Variants in SATL1 observed in about 807,000 individuals in gnomAD.
SATL1 encodes the protein spermidine/spermine N1-acetyl transferase like 1.
Under a neutral mutation model 51.8 loss-of-function variants are expected in SATL1, and 47 were observed. That is an observed-to-expected ratio of 0.91 (90% CI 0.72 to 1.16). The LOEUF is 1.16. SATL1 is among the 50% of genes most tolerant of loss of function. SATL1 has a pLI of 0.00. For missense variants in SATL1, 520 were observed against 526.4 expected (o/e 0.99, Z 0.12); for synonymous variants, 176 against 182.4 (o/e 0.97, Z 0.28).
chrX:85,228,447 C>A (rs958835175), intron 1 of SATL1, among the ~76,000 whole-genome samples: 5 of 111,676 alleles, frequency 4.5e-5, no homozygotes, highest in Non-Finnish European at 7.6e-5. Flanking sequence ...CTGTAGCCCC[C>A]TCTAGCTATT....
chrX:85,236,940 G>A (rs2083800226), intron 1 of SATL1, among the ~76,000 whole-genome samples: 1 of 111,143 alleles, frequency 9.0e-6, no homozygotes, highest in Admixed American at 9.5e-5. Context: ...AAAACTATAA[G>A]AACTGGTAAA....
At chrX:85,150,223 G>A (rs1019454768) in intron 2 of SATL1, among the ~76,000 whole-genome samples, 6 of 111,662 alleles carry the variant, frequency 5.4e-5, no homozygotes, top group Non-Finnish European at 1.1e-4. Context: ...AGAAGAAATG[G>A]ATAAATTCCT....
chrX:85,243,025 A>G (rs2147771771), intron 1 of SATL1, among the ~76,000 whole-genome samples: 1 of 112,181 alleles, frequency 8.9e-6, no homozygotes, highest in South Asian at 3.7e-4. Context: ...CTGGTCTACT[A>G]TGAGCCAGGT....
intron 2 of SATL1, among the ~76,000 whole-genome samples, chrX:85,147,016 G>A (rs928007538): frequency 8.9e-6 from 1 of 112,709 alleles, no homozygotes; most frequent in East Asian, 2.8e-4. Context: ...GCAGAGCGAG[G>A]CATTGCCTCA....
intron 1 of SATL1, among the ~76,000 whole-genome samples, chrX:85,234,857 C>T (rs1308697954): frequency 1.8e-5 from 2 of 110,717 alleles, no homozygotes; most frequent in Non-Finnish European, 3.8e-5. Flanking sequence ...TAAATCCTTA[C>T]ATATCAATAA....
At chrX:85,193,501 C>G (rs1345686032) in intron 2 of SATL1, among the ~76,000 whole-genome samples, 1 of 111,666 alleles carries the variant, frequency 9.0e-6, no homozygotes, top group Non-Finnish European at 1.9e-5. Context: ...ATAGGGGGCA[C>G]AGTCCAGTCA....
intron 1 of SATL1, among the ~76,000 whole-genome samples, chrX:85,230,087 T>C (rs1928351196): frequency 9.0e-6 from 1 of 111,621 alleles, no homozygotes; most frequent in Non-Finnish European, 1.9e-5. Context: ...TAAATTCATA[T>C]GGAACCACAA....
At position 85,202,768 on chromosome X, in the gene SATL1, C is replaced by T. The variant is rs754337325; in HGVS notation, c.-313+21437G>A. On this transcript the variant is annotated intron_variant, in intron 2 of 7. Coordinates refer to ENST00000644105, the MANE Select transcript of SATL1 (RefSeq NM_001367857.2). ...GATGAGCCATGGAGGGTATGCGGGG[C>T]CTAAGGGAGATGGACTGGCCTCCTC... 2.1e-3 allele frequency among the ~76,000 whole-genome samples: 240 copies of T among 111,734 alleles called. 1 individual carries two copies. Among genetic ancestry groups the T allele is most frequent in the Non-Finnish European group, 3.9e-3 (205 of 53,095 alleles).
intron 2 of SATL1, among the ~76,000 whole-genome samples, chrX:85,170,865 C>T (rs1926956794): frequency 9.0e-6 from 1 of 111,656 alleles, no homozygotes; most frequent in African/African-American, 3.2e-5. Context: ...CAGTTATTAA[C>T]ATTATCTGGT....
chrX:85,187,959 A>T (rs562716557), intron 2 of SATL1, among the ~76,000 whole-genome samples: 3 of 111,042 alleles, frequency 2.7e-5, no homozygotes, highest in African/African-American at 9.8e-5. Flanking sequence ...TTCTCCTAGA[A>T]GCCTCTCATC....
intron 2 of SATL1, among the ~76,000 whole-genome samples, chrX:85,186,850 G>A (rs990991250): frequency 1.8e-5 from 2 of 111,673 alleles, no homozygotes; most frequent in Admixed American, 9.5e-5. Flanking sequence ...TGTGTTTGTG[G>A]ATAGTTGTTC....
At chrX:85,239,996 C>G (rs1928555193) in intron 1 of SATL1, among the ~76,000 whole-genome samples, 1 of 111,243 alleles carries the variant, frequency 9.0e-6, no homozygotes, top group African/African-American at 3.3e-5. Flanking sequence ...ATTTTTTCTG[C>G]CCAAGGCACT....
intron 2 of SATL1, chrX:85,210,939 G>A (rs1244522116): frequency 9.0e-6 from 1 of 111,182 alleles, no homozygotes; most frequent in African/African-American, 3.3e-5. Flanking sequence ...TGTTTGTATC[G>A]GTTTGTCTTT....
At chrX:85,102,356 T>C (rs944550630) in intron 4 of SATL1, among the ~76,000 whole-genome samples, 3 of 110,833 alleles carry the variant, frequency 2.7e-5, no homozygotes, top group African/African-American at 6.6e-5. Flanking sequence ...AGCTGGGTGA[T>C]GAAAATGTCT....
intron 2 of SATL1, among the ~76,000 whole-genome samples, chrX:85,160,207 A>T (rs1926689246): frequency 9.0e-6 from 1 of 111,220 alleles, no homozygotes; most frequent in Non-Finnish European, 1.9e-5. Flanking sequence ...TTAAAGATGG[A>T]AGGAATATCA....
At chrX:85,093,813 G>A (rs1315703758) in intron 6 of SATL1, among the ~76,000 whole-genome samples, 4 of 112,099 alleles carry the variant, frequency 3.6e-5, no homozygotes, top group African/African-American at 9.7e-5. Context: ...ACAATGAGTC[G>A]TGATCACACC....
chrX:85,224,918 T>C (rs1369790026), intron 1 of SATL1, among the ~76,000 whole-genome samples: 1 of 111,079 alleles, frequency 9.0e-6, no homozygotes, highest in Non-Finnish European at 1.9e-5. Context: ...GAAACATCCA[T>C]ACAATGTAAC....
chrX:85,146,579 TC>T (rs1926244870), intron 2 of SATL1, among the ~76,000 whole-genome samples: 1 of 112,140 alleles, frequency 8.9e-6, no homozygotes, highest in Non-Finnish European at 1.9e-5. Context: ...ATTTCAAGTA[TC>T]CACTGGGAGT....
At chrX:85,148,693 G>A (rs1926331202) in intron 2 of SATL1, among the ~76,000 whole-genome samples, 1 of 111,617 alleles carries the variant, frequency 9.0e-6, no homozygotes, top group African/African-American at 3.3e-5. Flanking sequence ...TTTCAACCCA[G>A]AATTTCATAT....
Sources: gnomAD v4.1 joint callset for allele counts (sites outside exome capture counted in the v4.1 genomes callset) on GRCh38, gnomAD v4.1.1 for gene constraint, MANE v1.5 for transcripts, NCBI Gene and HGNC (gene_info 2026-07-23, HGNC 2026-07-21) for gene names.